Variants in CPQ observed in about 807,000 individuals in gnomAD.
CPQ encodes the protein carboxypeptidase Q.
In CPQ, 37 loss-of-function variants were observed where a neutral mutation model predicts 45.7. That is an observed-to-expected ratio of 0.81 (90% CI 0.62 to 1.07). The LOEUF (loss-of-function observed/expected upper bound fraction) is 1.07. Among genes scored for constraint, CPQ ranks in the 50% least tolerant of loss-of-function variants. CPQ has a pLI of 0.00. For synonymous variants in CPQ, 186 were observed against 205.8 expected (o/e 0.90, Z 0.82); for missense variants, 537 against 572.9 (o/e 0.94, Z 0.64).
chr8:97,033,654 A>G (rs1290089687), intron 6 of CPQ, among the ~76,000 whole-genome samples: 1 of 151,506 alleles, frequency 6.6e-6, no homozygotes, highest in African/African-American at 2.4e-5. Context: ...CTTATCTGGC[A>G]GTCTTTAATA....
intron 7 of CPQ, chr8:97,133,086 G>GGC (rs2130624600): frequency 6.6e-6 from 1 of 152,230 alleles, no homozygotes; most frequent in South Asian, 2.1e-4. Flanking sequence ...TGGGTCAAGG[G>GGC]AGAAATAGAG....
intron 1 of CPQ, among the ~76,000 whole-genome samples, chr8:96,742,572 G>T (rs867272276): frequency 2.0e-5 from 3 of 151,980 alleles, no homozygotes; most frequent in Non-Finnish European, 2.9e-5. Context: ...TCCTAGTCTC[G>T]ATGGTCTTTA....
chr8:96,732,983 G>C (rs1022232541), intron 1 of CPQ, among the ~76,000 whole-genome samples: 1 of 151,944 alleles, frequency 6.6e-6, no homozygotes, highest in South Asian at 2.1e-4. Context: ...GTATATGTGA[G>C]AGACTAATTA....
intron 7 of CPQ, among the ~76,000 whole-genome samples, chr8:97,078,094 C>T (rs916013421): frequency 6.6e-6 from 1 of 152,116 alleles, no homozygotes; most frequent in African/African-American, 2.4e-5. Flanking sequence ...TGATGTGTTT[C>T]ATTCCATTGT....
chr8:97,009,854 G>A (rs1401627810), intron 5 of CPQ, among the ~76,000 whole-genome samples: 1 of 152,172 alleles, frequency 6.6e-6, no homozygotes, highest in Non-Finnish European at 1.5e-5. Context: ...CTTACAGTGT[G>A]ATTTGTACAT....
At chr8:97,135,998 G>T (rs1256111640) in intron 7 of CPQ, among the ~76,000 whole-genome samples, 1 of 152,184 alleles carries the variant, frequency 6.6e-6, no homozygotes, top group East Asian at 1.9e-4. Flanking sequence ...TCAGGAATTA[G>T]CAGGTATTCA....
chr8:96,898,014 A>G (rs373056278), intron 4 of CPQ, among the ~76,000 whole-genome samples: 1 of 151,844 alleles, frequency 6.6e-6, no homozygotes, highest in Non-Finnish European at 1.5e-5. Context: ...GGGGAAAAAC[A>G]TAGGGAACCG....
At chr8:96,877,696 A>G (rs112632058) in intron 3 of CPQ, among the ~76,000 whole-genome samples, 3 of 152,298 alleles carry the variant, frequency 2.0e-5, no homozygotes, top group African/African-American at 7.2e-5. Flanking sequence ...TATTTTTCAT[A>G]GCAATATTAT....
At chr8:96,982,340 T>A (rs768372364) in intron 5 of CPQ, among the ~76,000 whole-genome samples, 14 of 152,152 alleles carry the variant, frequency 9.2e-5, no homozygotes, top group Non-Finnish European at 1.9e-4. Flanking sequence ...AGATTTCTCA[T>A]CCAGGTCTTT....
chr8:96,803,669 A>C (rs1472553445), intron 2 of CPQ, among the ~76,000 whole-genome samples: 2 of 150,114 alleles, frequency 1.3e-5, no homozygotes, highest in Non-Finnish European at 2.9e-5. Context: ...AGTGTCACAG[A>C]GTGATAACAA....
chr8:97,035,786 C>A (rs982825947), intron 6 of CPQ, among the ~76,000 whole-genome samples: 3 of 152,170 alleles, frequency 2.0e-5, no homozygotes, highest in Non-Finnish European at 4.4e-5. Flanking sequence ...CGGCTCACTG[C>A]AACCTCCGCC....
At chr8:96,661,094 A>G (rs1291992177) in intron 1 of CPQ, among the ~76,000 whole-genome samples, 1 of 152,246 alleles carries the variant, frequency 6.6e-6, no homozygotes, top group Non-Finnish European at 1.5e-5. Context: ...TGAAAAATGA[A>G]CTAGTTAAGA....
intron 5 of CPQ, among the ~76,000 whole-genome samples, chr8:96,994,048 C>A (rs1302887453): frequency 6.6e-6 from 1 of 151,986 alleles, no homozygotes; most frequent in Non-Finnish European, 1.5e-5. Context: ...CCTCACTTTC[C>A]CTGGAATAAA....
At chr8:97,019,305 A>G (rs1478200313) in intron 5 of CPQ, among the ~76,000 whole-genome samples, 2 of 152,178 alleles carry the variant, frequency 1.3e-5, no homozygotes, top group Non-Finnish European at 2.9e-5. Flanking sequence ...CAAAAATACA[A>G]TTTAAAAACA....
chr8:96,897,829 T>G (rs116414553), intron 4 of CPQ, among the ~76,000 whole-genome samples: 1 of 152,174 alleles, frequency 6.6e-6, no homozygotes, highest in Admixed American at 6.6e-5. Flanking sequence ...GGTTGGTTTT[T>G]GCAGTAAATT....
intron 5 of CPQ, among the ~76,000 whole-genome samples, chr8:96,971,096 A>AT (rs1813669228): frequency 6.6e-6 from 1 of 152,172 alleles, no homozygotes; most frequent in Non-Finnish European, 1.5e-5. Context: ...GCCCTGCGGC[A>AT]TTTTTTGAGG....
At chr8:97,001,285 G>T (rs1809275829) in intron 5 of CPQ, among the ~76,000 whole-genome samples, 1 of 152,056 alleles carries the variant, frequency 6.6e-6, no homozygotes, top group Admixed American at 6.6e-5. Context: ...TGTTGAATAG[G>T]AGTGGTGAGA....
intron 2 of CPQ, among the ~76,000 whole-genome samples, chr8:96,803,057 C>T (rs1404921557): frequency 6.6e-6 from 1 of 151,848 alleles, no homozygotes; most frequent in Non-Finnish European, 1.5e-5. Flanking sequence ...TCATGATTTA[C>T]CATCTACCAG....
chr8:96,694,948 G>T (rs112959130), intron 1 of CPQ, among the ~76,000 whole-genome samples: 3,685 of 152,148 alleles, frequency 0.024, 166 homozygotes, highest in African/African-American at 0.084. Flanking sequence ...ACTTTACAGT[G>T]CATATGGAAC....
Sources: allele counts gnomAD v4.1 joint callset (sites outside exome capture counted in the v4.1 genomes callset), GRCh38; gene constraint gnomAD v4.1.1; transcripts MANE v1.5; gene names NCBI Gene and HGNC (gene_info 2026-07-23, HGNC 2026-07-21).